Variants in ACOXL observed in about 807,000 individuals in gnomAD.
ACOXL encodes acyl-CoA oxidase like.
Under a neutral mutation model 71.9 loss-of-function variants are expected in ACOXL, and 70 were observed. That is an observed-to-expected ratio of 0.97 (90% CI 0.80 to 1.19). The LOEUF is 1.19. ACOXL is among the 50% of genes most tolerant of loss of function. The probability of loss-of-function intolerance (pLI) is 0.00; values close to 1 mark genes in which losing one functional copy is unlikely to be tolerated. For synonymous variants in ACOXL, 253 were observed against 281.6 expected (o/e 0.90, Z 1.02); for missense variants, 703 against 736.3 (o/e 0.95, Z 0.52).
chr2:111,017,808 TGTGGTTCTG>T (rs1252270646), intron 14 of ACOXL: 1 of 152,212 alleles, frequency 6.6e-6, no homozygotes, highest in African/African-American at 2.4e-5. Flanking sequence ...AGTTAGGTAG[TGTGGTTCTG>T]GTTTGGTTAG....
intron 9 of ACOXL, among the ~76,000 whole-genome samples, chr2:110,811,730 T>TACACACAC (rs780039810): frequency 0.14 from 13,924 of 101,444 alleles, 1,527 homozygotes; most frequent in Middle Eastern, 0.16. Flanking sequence ...TTTTTTTGCA[T>TACACACAC]ACACACACAC....
At chr2:110,734,657 C>T (rs1676612554) in intron 1 of ACOXL, among the ~76,000 whole-genome samples, 1 of 152,064 alleles carries the variant, frequency 6.6e-6, no homozygotes, top group Non-Finnish European at 1.5e-5. Context: ...TCCTATATTC[C>T]TCAGTCTTTT....
intron 14 of ACOXL, 58 bp downstream of exon 14, chr2:110,996,062 C>CT: frequency 2.9e-6 from 4 of 1,364,648 alleles, no homozygotes; most frequent in Non-Finnish European, 4.2e-6. Context: ...GATATCCTTG[C>CT]TGGTGAACTA....
intron 11 of ACOXL, among the ~76,000 whole-genome samples, chr2:110,916,448 A>G (rs1229983579): frequency 6.6e-6 from 1 of 152,182 alleles, no homozygotes; most frequent in Non-Finnish European, 1.5e-5. Flanking sequence ...AATGCCCACA[A>G]GAGAAAGCAG....
chr2:111,089,777 A>G (rs1186076843), intron 16 of ACOXL, among the ~76,000 whole-genome samples: 1 of 152,254 alleles, frequency 6.6e-6, no homozygotes, highest in Non-Finnish European at 1.5e-5. Flanking sequence ...TAACTATAAA[A>G]GCACATTCTG....
chr2:110,866,437 T>A (rs1298273989), intron 10 of ACOXL, among the ~76,000 whole-genome samples: 1 of 151,946 alleles, frequency 6.6e-6, no homozygotes, highest in Non-Finnish European at 1.5e-5. Context: ...TCATTTAGAA[T>A]GAAGACATGA....
At chr2:110,775,106 G>A (rs1309768705) in intron 2 of ACOXL, among the ~76,000 whole-genome samples, 1 of 152,156 alleles carries the variant, frequency 6.6e-6, no homozygotes, top group Non-Finnish European at 1.5e-5. Context: ...TGGGATAACT[G>A]GATATCTACA....
At chr2:110,976,359 T>A in intron 12 of ACOXL, among the ~76,000 whole-genome samples, 1 of 152,246 alleles carries the variant, frequency 6.6e-6, no homozygotes, top group Non-Finnish European at 1.5e-5. Flanking sequence ...GGCCTATGGA[T>A]CACACTGAGT....
At chr2:110,736,703 C>T (rs1676895057) in intron 1 of ACOXL, among the ~76,000 whole-genome samples, 1 of 151,956 alleles carries the variant, frequency 6.6e-6, no homozygotes, top group Non-Finnish European at 1.5e-5. Flanking sequence ...CACTGCAAGC[C>T]CCGCCTCCCG....
intron 12 of ACOXL, among the ~76,000 whole-genome samples, chr2:110,952,622 A>C (rs536185229): frequency 6.6e-6 from 1 of 151,922 alleles, no homozygotes; most frequent in Non-Finnish European, 1.5e-5. Flanking sequence ...AATTTTTAAA[A>C]TTTTTGTTGA....
chr2:111,017,595 G>A (rs1332390216), intron 14 of ACOXL, among the ~76,000 whole-genome samples: 1 of 152,230 alleles, frequency 6.6e-6, no homozygotes, highest in African/African-American at 2.4e-5. Context: ...GTGCAGAGAA[G>A]GGAGAGAGGG....
rs1334313820 is a variant in ACOXL, at chr2:111,025,770, ACAGTG to A, written c.1282-5856_1282-5852del. 2.0e-5 allele frequency among the ~76,000 whole-genome samples: 3 copies of A among 152,282 alleles called. No individual in the cohort carries two copies. In the East Asian group the frequency reaches 5.8e-4, roughly 29 times the overall value. ...CATTACCTGCCTTTTCATTTGCTTCACAGTGTATTTAAATTTTGAAAACATTCAAA... is the reference window on the plus strand; with the variant it reads ...CATTACCTGCCTTTTCATTTGCTTCATATTTAAATTTTGAAAACATTCAAA... On this transcript the variant is annotated intron_variant, in intron 14 of 17. Coordinates refer to ENST00000439055, the MANE Select transcript of ACOXL (RefSeq NM_001142807.4).
chr2:110,804,213 C>T (rs1368100198), intron 8 of ACOXL, among the ~76,000 whole-genome samples: 1 of 152,048 alleles, frequency 6.6e-6, no homozygotes, highest in African/African-American at 2.4e-5. Context: ...TCTTGAAATC[C>T]TGACTTCGGA....
intron 16 of ACOXL, among the ~76,000 whole-genome samples, chr2:111,061,081 A>C (rs2165109): frequency 0.25 from 37,982 of 152,068 alleles, 4,896 homozygotes; most frequent in East Asian, 0.45. Context: ...AAAGATAAAA[A>C]AAGAAGATGG....
chr2:111,087,348 A>G (rs1340664270), intron 16 of ACOXL, among the ~76,000 whole-genome samples: 1 of 152,204 alleles, frequency 6.6e-6, no homozygotes, highest in Non-Finnish European at 1.5e-5. Flanking sequence ...TAGCCAAGGC[A>G]ATCCTAAGCA....
chr2:110,858,349 C>T (rs1371006646), intron 10 of ACOXL, among the ~76,000 whole-genome samples: 1 of 152,116 alleles, frequency 6.6e-6, no homozygotes, highest in African/African-American at 2.4e-5. Flanking sequence ...CCTTCCTACT[C>T]CCCGAGACAG....
chr2:110,814,395 A>G (rs1396475670), intron 9 of ACOXL, among the ~76,000 whole-genome samples: 1 of 151,428 alleles, frequency 6.6e-6, no homozygotes. Flanking sequence ...GCCATTTAGA[A>G]TGAACACTTA....
intron 12 of ACOXL, among the ~76,000 whole-genome samples, chr2:110,972,715 G>GA (rs2062263020): frequency 6.6e-6 from 1 of 151,940 alleles, no homozygotes; most frequent in African/African-American, 2.4e-5. Flanking sequence ...CACATGGGCT[G>GA]AAGTCCAGAG....
intron 12 of ACOXL, among the ~76,000 whole-genome samples, chr2:110,959,659 A>T (rs978373139): frequency 2.6e-5 from 4 of 152,050 alleles, no homozygotes; most frequent in Non-Finnish European, 4.4e-5. Flanking sequence ...AGTCACCTCT[A>T]GTTGCCATTT....
Sources: allele counts gnomAD v4.1 joint callset (sites outside exome capture counted in the v4.1 genomes callset), GRCh38; gene constraint gnomAD v4.1.1; transcripts MANE v1.5; gene names NCBI Gene and HGNC (gene_info 2026-07-23, HGNC 2026-07-21).